Variants in CDC42SE2 observed in about 807,000 individuals in gnomAD.
CDC42SE2 encodes CDC42 small effector 2, also known as CDC42 small effector protein 2.
A neutral mutation model predicts 11.5 loss-of-function variants in CDC42SE2; 3 were observed. That is an observed-to-expected ratio of 0.26 (90% CI 0.12 to 0.67). The LOEUF (loss-of-function observed/expected upper bound fraction) is 0.67, where lower values mean the gene tolerates loss of function less well. Among genes scored for constraint, CDC42SE2 ranks in the 30% least tolerant of loss-of-function variants. The pLI, the probability that CDC42SE2 is intolerant of heterozygous loss-of-function variation, is 0.80. For missense variants in CDC42SE2, 82 were observed against 106.8 expected (o/e 0.77, Z 1.02); for synonymous variants, 33 against 34.8 (o/e 0.95, Z 0.18).
intron 4 of CDC42SE2, among the ~76,000 whole-genome samples, chr5:131,389,548 C>A (rs897448974): frequency 6.6e-6 from 1 of 152,136 alleles, no homozygotes; most frequent in Non-Finnish European, 1.5e-5. Context: ...ATAAGCTATG[C>A]ATTTTCTGTT....
chr5:131,344,785 C>G (rs1269605057), intron 2 of CDC42SE2, among the ~76,000 whole-genome samples: 1 of 152,190 alleles, frequency 6.6e-6, no homozygotes, highest in East Asian at 1.9e-4. Flanking sequence ...CAGCCAGGTG[C>G]CCCTCTGAGA....
chr5:131,261,677 C>T (rs1168449669), upstream of CDC42SE2: 1 of 152,116 alleles, frequency 6.6e-6, no homozygotes, highest in Admixed American at 6.6e-5. Flanking sequence ...CATAGTGAGA[C>T]CCTGTCTACC....
intron 2 of CDC42SE2, among the ~76,000 whole-genome samples, chr5:131,339,378 A>G (rs977620032): frequency 1.3e-5 from 2 of 152,090 alleles, no homozygotes; most frequent in Non-Finnish European, 2.9e-5. Context: ...TCAGACAAAA[A>G]GGGTAATTAG....
chr5:131,346,635 G>C (rs1758853068), intron 2 of CDC42SE2, among the ~76,000 whole-genome samples: 1 of 152,186 alleles, frequency 6.6e-6, no homozygotes, highest in Non-Finnish European at 1.5e-5. Flanking sequence ...ATTGAACTCA[G>C]CTCTGCACCA....
At chr5:131,248,905 A>G (rs1029278985) in intron 1 of CDC42SE2, among the ~76,000 whole-genome samples, 17 of 152,100 alleles carry the variant, frequency 1.1e-4, no homozygotes, top group African/African-American at 4.1e-4. Context: ...AAAATACCCA[A>G]TGTAATTCCA....
At chr5:131,216,649 C>T in the CDC42SE2 span, among the ~76,000 whole-genome samples, 36 of 151,200 alleles carry the variant, frequency 2.4e-4, no homozygotes, top group South Asian at 5.8e-3. Flanking sequence ...GAGGACACAG[C>T]TCATCTACAC....
rs532877737 is a variant in CDC42SE2, at chr5:131,274,693, G to A, written c.-455+10527G>A. ...AGTCTTGACCCTTCATCGTCTGTACGTCCTGCTTGTCTGATTTCATGTCTT... is the reference window on the plus strand; with the variant it reads ...AGTCTTGACCCTTCATCGTCTGTACATCCTGCTTGTCTGATTTCATGTCTT... On this transcript the variant is annotated intron_variant, in intron 1 of 4. Coordinates refer to ENST00000505065, the MANE Select transcript of CDC42SE2 (RefSeq NM_001375635.1). Among the ~76,000 whole-genome samples, 19 of 152,230 alleles carry A rather than the reference G, an allele frequency of 1.2e-4. No homozygotes were observed. In the South Asian group the frequency reaches 3.1e-3, roughly 25 times the overall value.
At chr5:131,349,087 C>T (rs1329041491) in intron 2 of CDC42SE2, among the ~76,000 whole-genome samples, 1 of 152,048 alleles carries the variant, frequency 6.6e-6, no homozygotes, top group Non-Finnish European at 1.5e-5. Flanking sequence ...TGGGCAAGGA[C>T]TTCATGACTA....
chr5:131,353,476 T>G (rs1323151591), intron 2 of CDC42SE2, among the ~76,000 whole-genome samples: 1 of 152,118 alleles, frequency 6.6e-6, no homozygotes, highest in Non-Finnish European at 1.5e-5. Flanking sequence ...GGGATGGGGT[T>G]CTGCTGCATT....
the CDC42SE2 span, among the ~76,000 whole-genome samples, chr5:131,228,206 A>T: frequency 9.6e-5 from 14 of 146,372 alleles, 1 homozygote; most frequent in South Asian, 1.9e-3. Context: ...GACCCTGTTT[A>T]AAAAAAAAAA....
chr5:131,336,156 C>G (rs534499179), intron 2 of CDC42SE2, among the ~76,000 whole-genome samples: 2 of 152,140 alleles, frequency 1.3e-5, no homozygotes, highest in Non-Finnish European at 2.9e-5. Context: ...TCTTTTAGGG[C>G]AGGCCTGGTG....
At chr5:131,384,763 A>G (rs1266833136) in intron 3 of CDC42SE2, among the ~76,000 whole-genome samples, 3 of 151,956 alleles carry the variant, frequency 2.0e-5, no homozygotes, top group African/African-American at 4.8e-5. Flanking sequence ...GGGGCTCAGC[A>G]CCCCATGAGA....
At chr5:131,342,775 C>T (rs1378854375) in intron 2 of CDC42SE2, among the ~76,000 whole-genome samples, 1 of 151,990 alleles carries the variant, frequency 6.6e-6, no homozygotes, top group African/African-American at 2.4e-5. Flanking sequence ...TGCAGTGGCA[C>T]AATCTTGGCT....
At chr5:131,217,684 AC>A in the CDC42SE2 span, among the ~76,000 whole-genome samples, 32 of 152,216 alleles carry the variant, frequency 2.1e-4, no homozygotes, top group Non-Finnish European at 3.8e-4. Context: ...CATCTATGAC[AC>A]AAAAAAGCAT....
At chr5:131,261,124 T>TTC (rs1756721663), upstream of CDC42SE2, among the ~76,000 whole-genome samples, 1 of 152,262 alleles carries the variant, frequency 6.6e-6, no homozygotes, top group Non-Finnish European at 1.5e-5. Flanking sequence ...GGTGTAATGT[T>TTC]TCCACTTGTT....
At chr5:131,242,787 A>G (rs895020922), upstream of CDC42SE2, among the ~76,000 whole-genome samples, 4 of 152,160 alleles carry the variant, frequency 2.6e-5, no homozygotes, top group African/African-American at 9.7e-5. Context: ...GATTCTTTCT[A>G]GTTGCAGTAG....
intron 3 of CDC42SE2, among the ~76,000 whole-genome samples, chr5:131,382,527 C>T (rs945217299): frequency 2.6e-5 from 4 of 152,174 alleles, no homozygotes; most frequent in African/African-American, 7.2e-5. Context: ...GTTGCTTCTG[C>T]AGGTTCACAG....
At chr5:131,264,513 T>G (rs1397613224) in intron 1 of CDC42SE2, among the ~76,000 whole-genome samples, 2 of 148,868 alleles carry the variant, frequency 1.3e-5, no homozygotes, top group African/African-American at 4.9e-5. Flanking sequence ...CCCCCAACTT[T>G]TCACGTCTGG....
At chr5:131,376,758 TG>T (rs1750167734) in intron 3 of CDC42SE2, among the ~76,000 whole-genome samples, 1 of 152,226 alleles carries the variant, frequency 6.6e-6, no homozygotes. Context: ...ATTATGTTCC[TG>T]TGTTAGTCTG....
Sources: allele counts gnomAD v4.1 joint callset (sites outside exome capture counted in the v4.1 genomes callset), GRCh38; gene constraint gnomAD v4.1.1; transcripts MANE v1.5; gene names NCBI Gene and HGNC (gene_info 2026-07-23, HGNC 2026-07-21).